Variants in ASIC2 observed in about 807,000 individuals in gnomAD.
The protein encoded by ASIC2 is acid sensing ion channel subunit 2, also known as acid-sensing ion channel 2.
In ASIC2, 25 loss-of-function variants were observed where a neutral mutation model predicts 57.3. The observed-to-expected ratio is 0.44, with a 90% confidence interval of 0.32 to 0.61. The LOEUF is 0.61. ASIC2 is among the 20% of genes least tolerant of loss of function. The probability of loss-of-function intolerance (pLI) is 0.06; values close to 1 mark genes in which losing one functional copy is unlikely to be tolerated. For missense variants in ASIC2, 641 were observed against 738.1 expected (o/e 0.87, Z 1.52); for synonymous variants, 319 against 307.5 (o/e 1.04, Z -0.39).
At chr17:34,049,637 T>C (rs1908473466) in intron 1 of ASIC2, among the ~76,000 whole-genome samples, 1 of 152,132 alleles carries the variant, frequency 6.6e-6, no homozygotes, top group Non-Finnish European at 1.5e-5. Flanking sequence ...ACTTCTAAAC[T>C]CCATCCTTTA....
intron 1 of ASIC2, among the ~76,000 whole-genome samples, chr17:33,964,618 G>T (rs552655909): frequency 6.6e-6 from 1 of 152,200 alleles, no homozygotes; most frequent in Non-Finnish European, 1.5e-5. Context: ...TTTCATCCTT[G>T]TGTCATTAGA....
At chr17:33,107,226 T>G (rs2141982650) in intron 2 of ASIC2, among the ~76,000 whole-genome samples, 1 of 152,334 alleles carries the variant, frequency 6.6e-6, no homozygotes, top group Middle Eastern at 3.4e-3. Flanking sequence ...AATCTGCACT[T>G]CTACAGTCTA....
chr17:34,146,538 C>G (rs774555682), intron 1 of ASIC2, among the ~76,000 whole-genome samples: 1 of 152,152 alleles, frequency 6.6e-6, no homozygotes, highest in Non-Finnish European at 1.5e-5. Flanking sequence ...CCTGATCCCA[C>G]GGGAAACACT....
At chr17:33,659,745 G>A (rs1455518248) in intron 1 of ASIC2, among the ~76,000 whole-genome samples, 2 of 151,810 alleles carry the variant, frequency 1.3e-5, no homozygotes, top group African/African-American at 2.4e-5. Context: ...GGTGGCAGGC[G>A]CCTGTAGTCC....
At chr17:33,349,304 G>T (rs536914527) in intron 1 of ASIC2, among the ~76,000 whole-genome samples, 4 of 152,310 alleles carry the variant, frequency 2.6e-5, no homozygotes, top group South Asian at 4.1e-4. Flanking sequence ...CATGTGTGAG[G>T]GTTGAATTCT....
At chr17:33,546,886 C>T (rs796301527) in intron 1 of ASIC2, among the ~76,000 whole-genome samples, 5 of 152,264 alleles carry the variant, frequency 3.3e-5, no homozygotes, top group African/African-American at 9.6e-5. Context: ...ACTAAAGCAA[C>T]GTGAGTGGAA....
chr17:33,178,257 A>AAT (rs1270614717), intron 1 of ASIC2, among the ~76,000 whole-genome samples: 7 of 152,184 alleles, frequency 4.6e-5, no homozygotes, highest in Admixed American at 2.6e-4. Context: ...GTACATAATA[A>AAT]ATATATATAA....
At chr17:34,152,604 C>T (rs1031507617) in intron 1 of ASIC2, among the ~76,000 whole-genome samples, 1 of 152,220 alleles carries the variant, frequency 6.6e-6, no homozygotes. Flanking sequence ...ACCAACCCCA[C>T]CTTCCATCTT....
chr17:33,397,992 G>T (rs897692882), intron 1 of ASIC2, among the ~76,000 whole-genome samples: 7 of 152,206 alleles, frequency 4.6e-5, no homozygotes, highest in Non-Finnish European at 1.5e-5. Context: ...AAATCTTAGA[G>T]TGTGAAGTTT....
At chr17:33,497,743 A>G (rs1192194041) in intron 1 of ASIC2, among the ~76,000 whole-genome samples, 4 of 152,224 alleles carry the variant, frequency 2.6e-5, no homozygotes, top group Admixed American at 6.5e-5. Flanking sequence ...AGGATACTCA[A>G]CTTACTTTTT....
At chr17:33,874,309 C>T (rs74368424) in intron 1 of ASIC2, among the ~76,000 whole-genome samples, 74 of 151,954 alleles carry the variant, frequency 4.9e-4, no homozygotes, top group African/African-American at 1.4e-3. Context: ...CTAGGGCTGC[C>T]GGATAAAATA....
At chr17:33,258,070 G>A (rs1408613656) in intron 1 of ASIC2, among the ~76,000 whole-genome samples, 4 of 152,222 alleles carry the variant, frequency 2.6e-5, no homozygotes, top group African/African-American at 9.6e-5. Context: ...ACCATGCTGA[G>A]TATTTTGCAT....
At chr17:33,807,926 G>T (rs984182830) in intron 1 of ASIC2, among the ~76,000 whole-genome samples, 1 of 152,026 alleles carries the variant, frequency 6.6e-6, no homozygotes, top group Non-Finnish European at 1.5e-5. Context: ...TGTATATTTT[G>T]GATAACAGTC....
chr17:33,631,974 T>C (rs1906187719), intron 1 of ASIC2, among the ~76,000 whole-genome samples: 1 of 152,116 alleles, frequency 6.6e-6, no homozygotes, highest in South Asian at 2.1e-4. Context: ...GGTTGTATTA[T>C]TGGTTCAAAG....
intron 7 of ASIC2, 57 bp downstream of exon 7, chr17:33,021,162 T>TC (rs1160211924): frequency 2.9e-6 from 2 of 694,006 alleles, no homozygotes; most frequent in East Asian, 2.8e-5. Context: ...CTGTGCATCC[T>TC]CCCTCCCTCC....
At chr17:33,373,143 T>C (rs1321017394) in intron 1 of ASIC2, among the ~76,000 whole-genome samples, 1 of 152,184 alleles carries the variant, frequency 6.6e-6, no homozygotes, top group African/African-American at 2.4e-5. Flanking sequence ...GGAGGAAGGA[T>C]AATATGTCCC....
chr17:33,681,887 C>G (rs1002746659), intron 1 of ASIC2, among the ~76,000 whole-genome samples: 2 of 152,124 alleles, frequency 1.3e-5, no homozygotes, highest in Admixed American at 1.3e-4. Flanking sequence ...TCTCTAGTGT[C>G]GTCTAGTGGC....
chr17:34,044,640 G>C (rs538769337), intron 1 of ASIC2, among the ~76,000 whole-genome samples: 2 of 152,232 alleles, frequency 1.3e-5, no homozygotes, highest in South Asian at 4.1e-4. Context: ...TACCAAATTC[G>C]TCTGTTTCTC....
At chr17:33,230,747 A>G (rs946838206) in intron 1 of ASIC2, among the ~76,000 whole-genome samples, 1 of 152,188 alleles carries the variant, frequency 6.6e-6, no homozygotes, top group African/African-American at 2.4e-5. Context: ...TCCAGGAAGA[A>G]CGAAGAAAGC....
Sources: gnomAD v4.1 joint callset for allele counts (sites outside exome capture counted in the v4.1 genomes callset) on GRCh38, gnomAD v4.1.1 for gene constraint, MANE v1.5 for transcripts, NCBI Gene and HGNC (gene_info 2026-07-23, HGNC 2026-07-21) for gene names.